NPAS3: variants seen among roughly 807,000 people sequenced by gnomAD.
NPAS3 encodes neuronal PAS domain-containing protein 3.
A neutral mutation model predicts 73.1 loss-of-function variants in NPAS3; 14 were observed. The observed-to-expected ratio is 0.19, with a 90% CI of 0.13 to 0.30. The LOEUF (loss-of-function observed/expected upper bound fraction) is 0.30. Ranked by LOEUF, NPAS3 falls within the 10% of genes least tolerant of loss-of-function variation. NPAS3 has a pLI of 1.00. For synonymous variants in NPAS3, 620 were observed against 541.5 expected (o/e 1.14, Z -2.01); for missense variants, 1,096 against 1,250.0 (o/e 0.88, Z 1.86).
chr14:33,536,787 A>G (rs2054278459), intron 4 of NPAS3, among the ~76,000 whole-genome samples: 2 of 152,194 alleles, frequency 1.3e-5, no homozygotes, highest in South Asian at 2.1e-4. Flanking sequence ...AAGTTTTTCT[A>G]TGTTTACCAA....
chr14:33,704,235 AGTGTGTGTACATATAAATTATAAT>A (rs980144978), intron 6 of NPAS3, among the ~76,000 whole-genome samples: 5 of 152,236 alleles, frequency 3.3e-5, no homozygotes, highest in African/African-American at 9.6e-5. Context: ...GAGTTATGAA[AGTGTGTGTACATATAAATTATAAT>A]GTGTGTGTAC....
intron 6 of NPAS3, among the ~76,000 whole-genome samples, chr14:33,721,284 A>G (rs1388522073): frequency 2.0e-5 from 3 of 152,088 alleles, no homozygotes; most frequent in Non-Finnish European, 4.4e-5. Context: ...CTGTTAGAGA[A>G]AAGGTTGTAG....
intron 4 of NPAS3, among the ~76,000 whole-genome samples, chr14:33,392,955 T>C (rs2047071044): frequency 6.6e-6 from 1 of 152,134 alleles, no homozygotes; most frequent in Admixed American, 6.6e-5. Context: ...CTACAGGAAA[T>C]AATGTTTGCT....
At chr14:33,449,565 T>A (rs977136977) in intron 4 of NPAS3, among the ~76,000 whole-genome samples, 3 of 152,076 alleles carry the variant, frequency 2.0e-5, no homozygotes, top group Non-Finnish European at 4.4e-5. Context: ...ATTCATCTTA[T>A]ATGATTGAAC....
At position 33,396,028 on chromosome 14, in the gene NPAS3, A is replaced by T. The variant is rs1344623456; in HGVS notation, c.468+28760A>T. Among the ~76,000 whole-genome samples, 7 of 152,088 alleles carry T rather than the reference A, an allele frequency of 4.6e-5. 1 individual carries two copies. The highest frequency in any genetic ancestry group is 1.5e-5 in the Non-Finnish European group (1 of 67,996). The stretch of plus-strand genomic sequence containing the variant: ...CCCCCATTCCCTCCAGCCCCACCCA[A>T]AGTAGTCAGGACATCCAATTAACCT... On this transcript the variant is annotated intron_variant, in intron 4 of 11. Transcript: ENST00000356141.
intron 5 of NPAS3, among the ~76,000 whole-genome samples, chr14:33,674,397 A>G (rs1013894200): frequency 1.3e-5 from 2 of 152,252 alleles, no homozygotes; most frequent in Non-Finnish European, 2.9e-5. Context: ...TGACTTCCTC[A>G]TATTCACTAA....
rs1294823335 is a variant in NPAS3 at position 33,529,321 on chromosome 14, G to A, written c.469-30800G>A. 2.6e-5 allele frequency among the ~76,000 whole-genome samples: 4 copies of A among 152,194 alleles called. No homozygotes were observed. In the South Asian group the frequency reaches 6.2e-4, roughly 24 times the overall value. The stretch of plus-strand genomic sequence containing the variant: ...AGAAAACTAAAGATGCCATCAGGGT[G>A]CTTAACTAGTCTATATTTATTGAGA... On this transcript the variant is annotated intron_variant, in intron 4 of 11. Coordinates refer to ENST00000356141, the Ensembl canonical transcript of NPAS3.
intron 5 of NPAS3, among the ~76,000 whole-genome samples, chr14:33,573,349 C>A (rs1257740559): frequency 6.6e-6 from 1 of 151,666 alleles, no homozygotes; most frequent in Non-Finnish European, 1.5e-5. Flanking sequence ...CTGGTTTCTG[C>A]AAGATGCCTT....
At chr14:33,259,397 C>A (rs984536278) in intron 3 of NPAS3, among the ~76,000 whole-genome samples, 6 of 152,128 alleles carry the variant, frequency 3.9e-5, no homozygotes, top group African/African-American at 1.4e-4. Context: ...CAATCAAATC[C>A]TTGGCTTACC....
At chr14:33,273,186 C>T (rs1172137945) in intron 3 of NPAS3, among the ~76,000 whole-genome samples, 2 of 152,252 alleles carry the variant, frequency 1.3e-5, no homozygotes, top group Non-Finnish European at 2.9e-5. Flanking sequence ...CTCCCCCGCT[C>T]TTCCCCAGAC....
chr14:33,187,257 C>T (rs1431878387), intron 2 of NPAS3, among the ~76,000 whole-genome samples: 2 of 152,272 alleles, frequency 1.3e-5, no homozygotes, highest in African/African-American at 2.4e-5. Context: ...TGACTTTCTC[C>T]ATTCCACAGC....
intron 2 of NPAS3, among the ~76,000 whole-genome samples, chr14:33,131,142 T>G (rs7144766): frequency 0.94 from 143,584 of 152,180 alleles, 67,772 homozygotes; most frequent in Admixed American, 0.95. Context: ...CTGTGGGAGT[T>G]TACAGAGTAA....
chr14:33,198,751 C>T (rs1321925142), intron 2 of NPAS3, among the ~76,000 whole-genome samples: 1 of 152,236 alleles, frequency 6.6e-6, no homozygotes, highest in African/African-American at 2.4e-5. Context: ...ACTCCTGAGC[C>T]CTTGGGTGGT....
intron 1 of NPAS3, among the ~76,000 whole-genome samples, chr14:32,953,590 T>A (rs911853057): frequency 1.8e-4 from 27 of 152,124 alleles, no homozygotes; most frequent in African/African-American, 6.5e-4. Context: ...TCAAGAATTG[T>A]GAAGGATCTT....
intron 4 of NPAS3, among the ~76,000 whole-genome samples, chr14:33,544,366 C>G (rs1352476656): frequency 6.6e-6 from 1 of 152,040 alleles, no homozygotes; most frequent in Non-Finnish European, 1.5e-5. Context: ...ATTGTGCCCC[C>G]ACCACCAATT....
intron 6 of NPAS3, among the ~76,000 whole-genome samples, chr14:33,709,955 G>A (rs749739566): frequency 2.6e-5 from 4 of 152,188 alleles, no homozygotes; most frequent in African/African-American, 4.8e-5. Flanking sequence ...AAGGTAAACC[G>A]AAGTGGCGAC....
intron 7 of NPAS3, among the ~76,000 whole-genome samples, chr14:33,737,642 C>T (rs2061555891): frequency 6.6e-6 from 1 of 152,156 alleles, no homozygotes. Flanking sequence ...TCCTCCTCCT[C>T]ATCTGCAGTG....
chr14:33,229,770 C>A (rs1246596106), intron 3 of NPAS3, among the ~76,000 whole-genome samples: 1 of 152,104 alleles, frequency 6.6e-6, no homozygotes, highest in African/African-American at 2.4e-5. Flanking sequence ...ACAAAAAAAT[C>A]TTTTGTCAAC....
chr14:33,649,585 C>T (rs1015232482), intron 5 of NPAS3, among the ~76,000 whole-genome samples: 12 of 152,188 alleles, frequency 7.9e-5, no homozygotes, highest in East Asian at 3.9e-4. Flanking sequence ...GTTATTGTGT[C>T]GGATGCATAC....
Sources: gnomAD v4.1 joint callset for allele counts (sites outside exome capture counted in the v4.1 genomes callset) on GRCh38, gnomAD v4.1.1 for gene constraint, MANE v1.5 for transcripts, NCBI Gene and HGNC (gene_info 2026-07-23, HGNC 2026-07-21) for gene names.